ANGPT1: variants seen among roughly 807,000 people sequenced by gnomAD.
ANGPT1 encodes angiopoietin-1.
Under a neutral mutation model 62.2 loss-of-function variants are expected in ANGPT1, and 17 were observed. The observed-to-expected ratio is 0.27, with a 90% CI of 0.19 to 0.41. The LOEUF is 0.41. Ranked by LOEUF, ANGPT1 falls within the 10% of genes least tolerant of loss-of-function variation. ANGPT1 has a pLI of 1.00. For synonymous variants in ANGPT1, 199 were observed against 198.9 expected (o/e 1.00, Z 0.00); for missense variants, 478 against 594.9 (o/e 0.80, Z 2.04).
At chr8:107,326,991 T>A (rs1251546493) in intron 3 of ANGPT1, among the ~76,000 whole-genome samples, 1 of 152,130 alleles carries the variant, frequency 6.6e-6, no homozygotes, top group Admixed American at 6.5e-5. Flanking sequence ...TTATTCATCA[T>A]GTTATACCAG....
chr8:107,257,876 G>GTTTT lies in ANGPT1; in HGVS notation c.1337-5862_1337-5861insAAAA, dbSNP rs1371396961. Among the ~76,000 whole-genome samples, 102 of 85,254 alleles carry GTTTT rather than the reference G, an allele frequency of 1.2e-3. 6 individuals carry two copies. Among genetic ancestry groups the GTTTT allele is most frequent in the South Asian group, 2.6e-3 (6 of 2,320 alleles). 55.9% of individuals were successfully genotyped at this position (85,254 alleles called of 152,430 possible). On this transcript the variant is annotated intron_variant, in intron 8 of 8. Transcript: ENST00000517746. ...CTCTTCAGGCCAAGGACTTGTTTTTGTTTCTTTTTTGTTTGTTTGTTTGTT... is the reference window on the plus strand; with the variant it reads ...CTCTTCAGGCCAAGGACTTGTTTTTGTTTTTTTCTTTTTTGTTTGTTTGTTTGTT...
intron 1 of ANGPT1, among the ~76,000 whole-genome samples, chr8:107,491,884 A>C (rs1459399716): frequency 6.6e-6 from 1 of 152,178 alleles, no homozygotes; most frequent in East Asian, 1.9e-4. Flanking sequence ...AAGAAAGCTC[A>C]ATGTGAAATG....
At chr8:107,488,816 AT>A (rs901295440) in intron 1 of ANGPT1, among the ~76,000 whole-genome samples, 1 of 152,222 alleles carries the variant, frequency 6.6e-6, no homozygotes, top group Non-Finnish European at 1.5e-5. Flanking sequence ...TTGAGCTACA[AT>A]AAAAACCTAC....
chr8:107,455,932 C>A (rs971578265), intron 1 of ANGPT1, among the ~76,000 whole-genome samples: 1 of 151,928 alleles, frequency 6.6e-6, no homozygotes, highest in African/African-American at 2.4e-5. Context: ...TGGAATGAAG[C>A]CACAAAAAGC....
At chr8:107,349,320 A>C (rs1339510493) in intron 1 of ANGPT1, among the ~76,000 whole-genome samples, 2 of 152,110 alleles carry the variant, frequency 1.3e-5, no homozygotes, top group East Asian at 3.9e-4. Context: ...TTGAGCAGCC[A>C]ACCTTTTTTC....
intron 7 of ANGPT1, among the ~76,000 whole-genome samples, chr8:107,270,485 AAG>A (rs1253978927): frequency 6.6e-6 from 1 of 152,018 alleles, no homozygotes; most frequent in Non-Finnish European, 1.5e-5. Context: ...TCAATCTGAC[AAG>A]AGTTTCCTGA....
intron 1 of ANGPT1, among the ~76,000 whole-genome samples, chr8:107,358,347 T>C (rs1816091824): frequency 6.6e-6 from 1 of 150,838 alleles, no homozygotes; most frequent in Non-Finnish European, 1.5e-5. Context: ...TAATGATTGC[T>C]GACATCTTAT....
chr8:107,465,496 G>C (rs188679898), intron 1 of ANGPT1, among the ~76,000 whole-genome samples: 1 of 151,982 alleles, frequency 6.6e-6, no homozygotes, highest in African/African-American at 2.4e-5. Flanking sequence ...GATTGATGCC[G>C]TATTTCACAA....
intron 1 of ANGPT1, among the ~76,000 whole-genome samples, chr8:107,448,667 G>A (rs1457091352): frequency 1.3e-5 from 2 of 152,046 alleles, no homozygotes; most frequent in Non-Finnish European, 2.9e-5. Context: ...ATTATTTTAG[G>A]TATGGCTAGG....
intron 1 of ANGPT1, among the ~76,000 whole-genome samples, chr8:107,447,895 A>T (rs891723841): frequency 1.3e-5 from 2 of 152,218 alleles, no homozygotes; most frequent in African/African-American, 4.8e-5. Flanking sequence ...GGATTTGAGC[A>T]AGGGATTTTG....
intron 4 of ANGPT1, among the ~76,000 whole-genome samples, chr8:107,308,327 T>C (rs564566497): frequency 6.6e-6 from 1 of 152,298 alleles, no homozygotes; most frequent in East Asian, 1.9e-4. Flanking sequence ...AATGTAGTAC[T>C]TTAAGTAAGT....
intron 1 of ANGPT1, among the ~76,000 whole-genome samples, chr8:107,485,280 T>C (rs959087149): frequency 6.6e-6 from 1 of 152,190 alleles, no homozygotes; most frequent in Admixed American, 6.5e-5. Flanking sequence ...CTGAGTTGTT[T>C]GTTGTTGTGC....
At chr8:107,419,073 G>A (rs547479053) in intron 1 of ANGPT1, among the ~76,000 whole-genome samples, 3 of 152,108 alleles carry the variant, frequency 2.0e-5, no homozygotes, top group African/African-American at 4.8e-5. Flanking sequence ...GTCTAAAATC[G>A]GTCATGATCC....
intron 7 of ANGPT1, among the ~76,000 whole-genome samples, chr8:107,277,031 T>C (rs1813882731): frequency 6.6e-6 from 1 of 152,144 alleles, no homozygotes; most frequent in Non-Finnish European, 1.5e-5. Context: ...ATAAAGTCAA[T>C]AAAATATAAA....
At chr8:107,307,577 T>G (rs773599956) in intron 4 of ANGPT1, among the ~76,000 whole-genome samples, 4 of 152,100 alleles carry the variant, frequency 2.6e-5, no homozygotes, top group Non-Finnish European at 5.9e-5. Context: ...ATCTTTCCCC[T>G]CGCGTTTTTT....
intron 1 of ANGPT1, among the ~76,000 whole-genome samples, chr8:107,465,784 T>A (rs1812183138): frequency 6.6e-6 from 1 of 152,192 alleles, no homozygotes; most frequent in African/African-American, 2.4e-5. Context: ...ACAGGTAGCA[T>A]TTCAAATACA....
At chr8:107,291,875 C>A (rs1325614574) in intron 6 of ANGPT1, among the ~76,000 whole-genome samples, 4 of 106,002 alleles carry the variant, frequency 3.8e-5, no homozygotes, top group Admixed American at 1.4e-4. Context: ...GATATACTTT[C>A]TATTTCCACT....
chr8:107,256,067 A>T (rs1294559145), intron 8 of ANGPT1, among the ~76,000 whole-genome samples: 1 of 152,204 alleles, frequency 6.6e-6, no homozygotes, highest in East Asian at 1.9e-4. Flanking sequence ...ATTTCATGAC[A>T]AATCAAGGAG....
intron 1 of ANGPT1, among the ~76,000 whole-genome samples, chr8:107,361,509 T>A (rs76662572): frequency 6.9e-6 from 1 of 144,494 alleles, no homozygotes; most frequent in Admixed American, 7.1e-5. Flanking sequence ...TATATCTATA[T>A]CTATAGAATA....
Sources: allele counts gnomAD v4.1 joint callset (sites outside exome capture counted in the v4.1 genomes callset), GRCh38; gene constraint gnomAD v4.1.1; transcripts MANE v1.5; gene names NCBI Gene and HGNC (gene_info 2026-07-23, HGNC 2026-07-21).